Variants in PCDHGA9 observed in about 807,000 individuals in gnomAD.
The protein encoded by PCDHGA9 is protocadherin gamma-A9.
A neutral mutation model predicts 62.5 loss-of-function variants in PCDHGA9; 37 were observed. The observed-to-expected ratio is 0.59, with a 90% CI of 0.46 to 0.78. The LOEUF (loss-of-function observed/expected upper bound fraction) is 0.78, where lower values mean the gene tolerates loss of function less well. PCDHGA9 is among the 30% of genes least tolerant of loss of function. PCDHGA9 has a pLI of 0.00. For synonymous variants in PCDHGA9, 459 were observed against 484.6 expected, an observed-to-expected ratio of 0.95 and a Z score of 0.69; for missense variants, 1,138 against 1,166.2, an observed-to-expected ratio of 0.98 and a Z score of 0.35.
At chr5:141,422,636 C>T in intron 1 of PCDHGA9, 3 of 1,612,584 alleles carry the variant, frequency 1.9e-6, no homozygotes, top group Non-Finnish European at 2.5e-6. Context: ...CCCAGGGGTG[C>T]CTCCATCTTC....
At position 141,489,078 on chromosome 5, in the gene PCDHGA9, G is replaced by A. The variant is rs990356560; in HGVS notation, c.2425-5729G>A. ...GCTCCCCTCCCCCCTGCCCACCCCC[G>A]CCACTCGGTGACTAAGAACTGCTGC... On this transcript the variant is annotated intron_variant, in intron 1 of 3. Transcript: ENST00000573521. The surrounding 1 kb of genome is among the most constrained non-coding windows in gnomAD (Gnocchi z 4.5). 6.9e-5 allele frequency: 11 copies of A among 160,224 alleles called. 1 individual carries two copies. Among genetic ancestry groups the A allele is most frequent in the Admixed American group, 3.7e-4 (4 of 10,708 alleles). The allele number at this position is 160,224 out of a possible 1,614,324, so 9.9% of individuals were successfully genotyped here.
chr5:141,503,777 G>A (rs2099830497), intron 2 of PCDHGA9, among the ~76,000 whole-genome samples: 1 of 152,074 alleles, frequency 6.6e-6, no homozygotes, highest in South Asian at 2.1e-4. Context: ...TCTGTTCTTA[G>A]GCTGAGTTCA....
Position 141,409,958 on chromosome 5 carries a change from T to C in PCDHGA9, c.2424+4582T>C. ...GGTACCTCGCTCTGCAGAGCCCGGC[T>C]ACCTAGTGACTAAGGTGGTAGCGGT... On this transcript the variant is annotated intron_variant, in intron 1 of 3. Transcript: ENST00000573521. 6.2e-7 allele frequency: 1 copy of C among 1,613,394 alleles called. No individual in the cohort carries two copies.
At chr5:141,409,219 T>A in intron 1 of PCDHGA9, 1 of 1,614,022 alleles carries the variant, frequency 6.2e-7, no homozygotes, top group Non-Finnish European at 8.5e-7. Context: ...AAATCCTTGA[T>A]GAAAACGACA....
At chr5:141,405,880 G>T (rs2094729430) in intron 1 of PCDHGA9, among the ~76,000 whole-genome samples, 1 of 152,110 alleles carries the variant, frequency 6.6e-6, no homozygotes, top group Non-Finnish European at 1.5e-5. Flanking sequence ...GGGCCTAATT[G>T]TTGCTCCAAC....
intron 1 of PCDHGA9, chr5:141,417,624 G>A (rs2096138947): frequency 1.5e-6 from 1 of 672,584 alleles, no homozygotes; most frequent in Non-Finnish European, 2.4e-6. Flanking sequence ...CAGAGCAAGC[G>A]CTGACGCCGG....
At chr5:141,414,472 A>C (rs1039987036) in intron 1 of PCDHGA9, 5 of 1,613,796 alleles carry the variant, frequency 3.1e-6, no homozygotes, top group African/African-American at 1.3e-5. Flanking sequence ...AGATGGGGGA[A>C]GTCCTCCTCT....
chr5:141,511,537 A>C lies in PCDHGA9; in HGVS notation c.*364A>C. 6.3e-6 allele frequency: 2 copies of C among 319,254 alleles called. No individual in the cohort carries two copies. The highest frequency in any genetic ancestry group is 6.7e-5 in the South Asian group (2 of 29,854). 19.8% of individuals were successfully genotyped at this position (319,254 alleles called of 1,614,324 possible). A position where few individuals can be genotyped will look rare whatever the true frequency, so the allele number is the denominator to read the frequency against. On this transcript the variant is annotated 3_prime_UTR_variant, in exon 4 of 4. Transcript: ENST00000573521. ...TCCATCCCATGCCTCCCTCCTCCCC[A>C]CCCCACTCCAACAGTTCCTCTTTCC... is the stretch of plus-strand genomic sequence containing the variant.
At chr5:141,420,725 C>T (rs1468308275) in intron 1 of PCDHGA9, among the ~76,000 whole-genome samples, 1 of 152,188 alleles carries the variant, frequency 6.6e-6, no homozygotes, top group African/African-American at 2.4e-5. Flanking sequence ...TCCTTTCAGT[C>T]GGTTAAAATC....
At position 141,447,418 on chromosome 5, in the gene PCDHGA9, G is replaced by A. The variant is rs113957183; in HGVS notation, c.2424+42042G>A. On this transcript the variant is annotated intron_variant, in intron 1 of 3. Transcript: ENST00000573521. ...CTCCCAAAGTGCTGGGATTACAGGC[G>A]TGAGCCACCGCACCCGGAGGAAATT... Among the ~76,000 whole-genome samples, 1,263 of 152,230 alleles carry A rather than the reference G, an allele frequency of 8.3e-3. 17 individuals carry two copies. The highest frequency in any genetic ancestry group is 0.029 in the African/African-American group (1,197 of 41,538).
chr5:141,404,917 G>T lies in PCDHGA9; in HGVS notation c.1965G>T (p.Ser655=), dbSNP rs750464541. 3.7e-6 allele frequency: 6 copies of T among 1,613,652 alleles called. No homozygotes were observed. Among genetic ancestry groups the T allele is most frequent in the East Asian group, 2.2e-5 (1 of 44,878 alleles). The change falls in exon 1 of 4, where the codon TCG becomes TCT. Residue 655 remains serine (S), a synonymous_variant. Transcript: ENST00000573521. ...AVQDHGQPPL[S]ATVTLTVAIA... is the part of the protein sequence containing the mutation. ...AGGACCATGGCCAGCCCCCTCTCTC[G>T]GCCACTGTCACGCTCACAGTAGCCA...
At chr5:141,414,781 G>A (rs755811755) in intron 1 of PCDHGA9, 1 of 1,614,230 alleles carries the variant, frequency 6.2e-7, no homozygotes, top group Admixed American at 1.7e-5. Context: ...ACAGATGCAG[G>A]TGACAGCCAG....
intron 1 of PCDHGA9, chr5:141,421,067 T>G: frequency 1.4e-5 from 8 of 591,772 alleles, no homozygotes; most frequent in Non-Finnish European, 2.3e-5. Flanking sequence ...CAAAGCGGAA[T>G]GAGATGGATA....
intron 1 of PCDHGA9, among the ~76,000 whole-genome samples, chr5:141,449,674 TA>T (rs2154562752): frequency 6.6e-6 from 1 of 151,604 alleles, no homozygotes; most frequent in African/African-American, 2.4e-5. Context: ...AGTGTGTATG[TA>T]TATATGTTTG....
At chr5:141,504,450 T>C (rs931613781) in intron 2 of PCDHGA9, among the ~76,000 whole-genome samples, 1 of 151,918 alleles carries the variant, frequency 6.6e-6, no homozygotes, top group Non-Finnish European at 1.5e-5. Context: ...ACTAGTGCCA[T>C]GTGGGGCAGC....
At chr5:141,430,751 A>G in intron 1 of PCDHGA9, 1 of 1,496,066 alleles carries the variant, frequency 6.7e-7, no homozygotes, top group Non-Finnish European at 8.9e-7. Context: ...ATTCTGGAGG[A>G]AGATAAGAAT....
At chr5:141,503,836 A>G (rs1260399957) in intron 2 of PCDHGA9, among the ~76,000 whole-genome samples, 4 of 152,142 alleles carry the variant, frequency 2.6e-5, no homozygotes, top group Admixed American at 6.5e-5. Flanking sequence ...AAAAGCAGGG[A>G]CAGACCTTGG....
chr5:141,414,903 C>A, intron 1 of PCDHGA9: 2 of 1,614,218 alleles, frequency 1.2e-6, no homozygotes, highest in Non-Finnish European at 1.7e-6. Flanking sequence ...CAGACGGTTC[C>A]ACAGGCGTGG....
Position 141,432,731 on chromosome 5 carries a change from G to C in PCDHGA9, c.2424+27355G>C, listed in dbSNP as rs1244820860. On this transcript the variant is annotated intron_variant, in intron 1 of 3. Coordinates refer to ENST00000573521, the MANE Select transcript of PCDHGA9 (RefSeq NM_018921.3). This position sits in a 1 kb window ranked among gnomAD's most constrained non-coding sequence, Gnocchi z 6.0. ...CGGCCAGCCCCCTCTCTCCGCCACT[G>C]TCACGCTCACCGTGGCCGTGGCCGA... The C allele has an allele frequency of 6.2e-7, 1 of 1,614,068 alleles. No homozygotes were observed.
Sources: gnomAD v4.1 joint callset for allele counts (sites outside exome capture counted in the v4.1 genomes callset) on GRCh38, gnomAD v4.1.1 for gene constraint, Gnocchi (gnomAD v3.1) non-coding constraint, MANE v1.5 for transcripts, NCBI Gene and HGNC (gene_info 2026-07-23, HGNC 2026-07-21) for gene names.